ABCA7: variants seen among roughly 807,000 people sequenced by gnomAD.
ABCA7 encodes phospholipid-transporting ATPase ABCA7.
A neutral mutation model predicts 227.6 loss-of-function variants in ABCA7; 261 were observed. That is an observed-to-expected ratio of 1.15 (90% CI 1.04 to 1.27). The LOEUF (loss-of-function observed/expected upper bound fraction) is 1.27. Among genes scored for constraint, ABCA7 ranks in the 50% most tolerant of loss-of-function variants. ABCA7 has a pLI of 0.00. For missense variants in ABCA7, 3,331 were observed against 2,924.5 expected (o/e 1.14, Z -3.21); for synonymous variants, 1,488 against 1,279.7 (o/e 1.16, Z -3.47).
In ABCA7 at chr19:1,065,014, C is replaced by T. The variant is rs1200307998; in HGVS notation, c.6128C>T (p.Pro2043Leu). 3 of 1,557,568 alleles carry T rather than the reference C, an allele frequency of 1.9e-6. No individual in the cohort carries two copies. Among genetic ancestry groups the T allele is most frequent in the Non-Finnish European group, 1.7e-6 (2 of 1,152,586 alleles). ...GCGGCCTTCGTGGCGGCCGAGTTCCCTGGGGCGGAGCTGCGCGAGGCACAT... is the reference window on the plus strand; with the variant it reads ...GCGGCCTTCGTGGCGGCCGAGTTCCTTGGGGCGGAGCTGCGCGAGGCACAT... ...PAAAFVAAEFPGAELREAHGG... is the reference protein window; with the variant it reads ...PAAAFVAAEFLGAELREAHGG... The change falls in exon 46 of 47, where the codon CCT (proline) becomes CTT (leucine). Residue 2043 changes from proline to leucine, a missense_variant. Pro to Leu is a moderately conservative substitution (Grantham distance 98, BLOSUM62 -3). Transcript: ENST00000263094.
rs758589866 is a variant in ABCA7 at position 1,047,013 on chromosome 19, C to T, written c.1834C>T (p.Leu612=). The stretch of plus-strand genomic sequence containing the variant: ...CCTGCTCAGCGCCGCACTGCTGGTT[C>T]TGGTGCTCAAGGTGGGCGCGCCTCG... The part of the protein sequence containing the change: ...PFLLSAALLV[L]VLKLGDILPY... The change falls in exon 14 of 47, where the codon CTG becomes TTG. Residue 612 remains leucine (L), a synonymous_variant. Transcript: ENST00000263094. The T allele has an allele frequency of 5.4e-5, 84 of 1,568,466 alleles. No homozygotes were observed. The highest frequency in any genetic ancestry group is 7.2e-5 in the Non-Finnish European group (84 of 1,159,860).
At position 1,056,692 on chromosome 19, in the gene ABCA7, C is replaced by G; in HGVS notation, c.4586+193C>G. 6.6e-6 allele frequency among the ~76,000 whole-genome samples: 1 copy of G among 152,186 alleles called. No individual in the cohort carries two copies. The highest frequency in any genetic ancestry group is 2.1e-4 in the South Asian group (1 of 4,836). ...TCAGACTCAGCGGGCCCCAGCCTCCCCCACACATCCTCATCCCACCAACCT... is the reference window on the plus strand; with the variant it reads ...TCAGACTCAGCGGGCCCCAGCCTCCGCCACACATCCTCATCCCACCAACCT... On this transcript the variant is annotated intron_variant, in intron 33 of 46. Coordinates refer to ENST00000263094, the MANE Select transcript of ABCA7 (RefSeq NM_019112.4). The surrounding 1 kb of genome is among the most constrained non-coding windows in gnomAD (Gnocchi z 4.3).
At chr19:1,059,117 A>C in intron 40 of ABCA7, 32 bp downstream of exon 40, 4 of 1,603,610 alleles carry the variant, frequency 2.5e-6, no homozygotes, top group Middle Eastern at 2.1e-4. Context: ...AGGTGCAGGG[A>C]CAGTGAGTGG....
chr19:1,042,866 C>T (rs373688163), intron 7 of ABCA7, 40 bp downstream of exon 7: 3 of 1,532,598 alleles, frequency 2.0e-6, no homozygotes, highest in South Asian at 2.5e-5. Flanking sequence ...ATGGAGGCAA[C>T]GTTGGCAGGC....
chr19:1,055,555 T>C (rs1220069762), intron 30 of ABCA7, among the ~76,000 whole-genome samples: 2 of 137,480 alleles, frequency 1.5e-5, no homozygotes, highest in African/African-American at 5.6e-5. Context: ...CAGGCTGGAG[T>C]GCAGAGGTGT....
chr19:1,047,801 G>A, intron 16 of ABCA7, 147 bp downstream of exon 16: 1 of 945,972 alleles, frequency 1.1e-6, no homozygotes. Context: ...ACGCATGCAG[G>A]TGGCTGCATT....
chr19:1,058,420 C>T lies in ABCA7; in HGVS notation c.5149+151C>T, dbSNP rs956628653. Reference sequence around the variant, plus strand: ...CTAAGGTTGGGCCAAGTTGGAGGTACAAGAAAGCAGCCATAAAAAGCTAAT... The same window carrying T: ...CTAAGGTTGGGCCAAGTTGGAGGTATAAGAAAGCAGCCATAAAAAGCTAAT... On this transcript the variant is annotated intron_variant, in intron 37 of 46. Coordinates refer to ENST00000263094, the MANE Select transcript of ABCA7 (RefSeq NM_019112.4). 4.2e-6 allele frequency: 6 copies of T among 1,432,468 alleles called. No homozygotes were observed. In the African/African-American group the frequency reaches 7.2e-5, roughly 17 times the overall value. 88.7% of individuals were successfully genotyped at this position (1,432,468 alleles called of 1,614,324 possible).
chr19:1,047,253 G>T lies in ABCA7; in HGVS notation c.1942G>T (p.Ala648Ser), dbSNP rs749726755. The T allele has an allele frequency of 6.2e-7, 1 of 1,607,568 alleles. No individual in the cohort carries two copies. Among genetic ancestry groups the T allele is most frequent in the South Asian group, 1.1e-5 (1 of 90,912 alleles). The change falls in exon 15 of 47, where the codon GCC becomes TCC. Residue 648 changes from alanine to serine, a missense_variant. Transcript: ENST00000263094. ...GGTGACCCAGAGCTTCCTGCTCAGC[G>T]CCTTCTTCTCCCGCGCCAACCTGGC... ...ATVTQSFLLS[A>S]FFSRANLAAA... is the part of the protein sequence containing the mutation.
At chr19:1,057,164 G>C in intron 34 of ABCA7, 80 bp downstream of exon 34, 1 of 1,558,844 alleles carries the variant, frequency 6.4e-7, no homozygotes, top group Non-Finnish European at 8.7e-7. Context: ...GCAGGGGCTT[G>C]TCCAAGATGG....
In ABCA7 at chr19:1,044,557, C is replaced by G. The variant is rs780907763; in HGVS notation, c.1048-20C>G. 10 of 1,604,348 alleles carry G rather than the reference C, an allele frequency of 6.2e-6. No individual in the cohort carries two copies. Among genetic ancestry groups the G allele is most frequent in the Middle Eastern group, 3.3e-4 (2 of 6,040 alleles). ...CCACTGTGCCCGACCCAGACTCTCA[C>G]TTTCACCTGCGCCCCCCAGCGGCTC... On this transcript the variant is annotated intron_variant, in intron 10 of 46. Coordinates refer to ENST00000263094, the MANE Select transcript of ABCA7 (RefSeq NM_019112.4).
Position 1,048,954 on chromosome 19 carries a change from C to T in ABCA7, c.2329C>T (p.Pro777Ser), listed in dbSNP as rs764058442. ...TTTTCGGAGGAGCTACTGGTGCGGACCTCGGCCCCCCAAGAGTCCAGCCCC... is the reference window on the plus strand; with the variant it reads ...TTTTCGGAGGAGCTACTGGTGCGGATCTCGGCCCCCCAAGAGTCCAGCCCC... ...FPFRRSYWCG[P>S]RPPKSPAPCP... Residue 777 changes from proline (P) to serine (S), a missense_variant, in exon 17 of 47, where the codon CCT (proline) becomes TCT (serine). Coordinates refer to ENST00000263094, the MANE Select transcript of ABCA7 (RefSeq NM_019112.4). The T allele has an allele frequency of 6.2e-7, 1 of 1,609,628 alleles. No homozygotes were observed. The highest frequency in any genetic ancestry group is 8.5e-7 in the Non-Finnish European group (1 of 1,178,460).
intron 35 of ABCA7, 134 bp downstream of exon 35, chr19:1,057,563 C>T (rs2042360828): frequency 1.1e-6 from 1 of 923,546 alleles, no homozygotes; most frequent in Non-Finnish European, 1.7e-6. Context: ...CGTGTGTGAT[C>T]CAATTCAGTG....
Position 1,041,608 on chromosome 19 carries a change from G to GC in ABCA7, c.160+12dup, listed in dbSNP as rs754757371. The stretch of plus-strand genomic sequence containing the variant: ...CGCCCCTGGAGCACCATGAATGTGA[G>GC]CCCCCCCAGGGACCAGGCACTTTGT... On this transcript the variant is annotated splice_donor_region_variant and intron_variant, in intron 3 of 46. Transcript: ENST00000263094. The GC allele has an allele frequency of 1.1e-5, 17 of 1,610,682 alleles. No homozygotes were observed. Among genetic ancestry groups the GC allele is most frequent in the African/African-American group, 4.0e-5 (3 of 74,898 alleles).
rs763771225 is a variant in ABCA7, at chr19:1,049,290, G to T, written c.2405G>T (p.Gly802Val). 7 of 1,609,736 alleles carry T rather than the reference G, an allele frequency of 4.3e-6. No individual in the cohort carries two copies. The South Asian group carries it at 7.7e-5, about 18-fold the overall frequency. ...GTGCTGGTAGAAGAGGCACCGCCCG[G>T]CCTGAGTCCTGGCGTCTCCGTTCGC... ...PKVLVEEAPP[G>V]LSPGVSVRSL... Residue 802 changes from glycine (G) to valine (V), a missense_variant, in exon 18 of 47, where the codon GGC becomes GTC. Gly to Val is a moderately radical substitution (Grantham distance 109). Transcript: ENST00000263094.
chr19:1,061,435 G>T (rs193087276), intron 40 of ABCA7, among the ~76,000 whole-genome samples: 1 of 145,098 alleles, frequency 6.9e-6, no homozygotes, highest in Non-Finnish European at 1.5e-5. Flanking sequence ...CGTGGCTCAC[G>T]CCTGTAATCC....
In ABCA7 at chr19:1,044,984, C is replaced by G. The variant is rs750972264; in HGVS notation, c.1216-18C>G. 1.2e-6 allele frequency: 2 copies of G among 1,611,018 alleles called. No individual in the cohort carries two copies. The highest frequency in any genetic ancestry group is 2.2e-5 in the East Asian group (1 of 44,850). On this transcript the variant is annotated intron_variant, in intron 11 of 46. Coordinates refer to ENST00000263094, the MANE Select transcript of ABCA7 (RefSeq NM_019112.4). ...CAGGCGGACCCCAGCGCCTAGGACT[C>G]ACCCCCGCATCCCACAGTGCCTGTC...
In ABCA7 at chr19:1,065,399, C is replaced by T. The variant is rs778538900; in HGVS notation, c.6415C>T (p.Pro2139Ser). The T allele has an allele frequency of 6.2e-7, 1 of 1,613,320 alleles. No individual in the cohort carries two copies. The highest frequency in any genetic ancestry group is 8.5e-7 in the Non-Finnish European group (1 of 1,179,942). Reference protein sequence around the residue: ...PKRVSQFLDDPSTAETVL With the variant: ...PKRVSQFLDDSSTAETVL ...ACGCGTCAGCCAGTTCCTCGATGAC[C>T]CTAGCACTGCCGAGACTGTGCTCTG... Residue 2139 changes from proline (P) to serine (S), a missense_variant, in exon 47 of 47, where the codon CCT (proline) becomes TCT (serine). Transcript: ENST00000263094.
rs1193724572 is a variant in ABCA7 at position 1,064,249 on chromosome 19, G to C, written c.6040G>C (p.Gly2014Arg). ...CCTGGGCAGCCCGCAACATCTCAAGGGCAGGTGAGCCGGCGCGGCCTCCAG... is the reference window on the plus strand; with the variant it reads ...CCTGGGCAGCCCGCAACATCTCAAGCGCAGGTGAGCCGGCGCGGCCTCCAG... ...RCLGSPQHLKGRFAAGHTLTL... is the reference protein window; with the variant it reads ...RCLGSPQHLKRRFAAGHTLTL... Residue 2014 changes from glycine to arginine, a missense_variant, in exon 45 of 47, where the codon GGC becomes CGC. Gly to Arg is a moderately radical substitution (Grantham distance 125). Coordinates refer to ENST00000263094, the MANE Select transcript of ABCA7 (RefSeq NM_019112.4). The C allele has an allele frequency of 6.4e-7, 1 of 1,561,474 alleles. No homozygotes were observed. Among genetic ancestry groups the C allele is most frequent in the Admixed American group, 1.9e-5 (1 of 52,542 alleles).
chr19:1,056,814 A>G lies in ABCA7; in HGVS notation c.4587-93A>G. The G allele has an allele frequency of 7.1e-7, 1 of 1,402,134 alleles. No homozygotes were observed. Among genetic ancestry groups the G allele is most frequent in the Admixed American group, 2.0e-5 (1 of 50,346 alleles). 86.9% of individuals were successfully genotyped at this position (1,402,134 alleles called of 1,614,324 possible). A position where few individuals can be genotyped will look rare whatever the true frequency, so the allele number is the denominator to read the frequency against. On this transcript the variant is annotated intron_variant, in intron 33 of 46. Coordinates refer to ENST00000263094, the MANE Select transcript of ABCA7 (RefSeq NM_019112.4). The surrounding 1 kb of genome is among the most constrained non-coding windows in gnomAD (Gnocchi z 4.3). ...CATCTCTGCCACTGCTGACTGCCCC[A>G]TAGACCTTTGTCCCATCAATGGCGT...
Sources: gnomAD v4.1 joint callset for allele counts (sites outside exome capture counted in the v4.1 genomes callset) on GRCh38, gnomAD v4.1.1 for gene constraint, Gnocchi (gnomAD v3.1) non-coding constraint, MANE v1.5 for transcripts, NCBI Gene and HGNC (gene_info 2026-07-23, HGNC 2026-07-21) for gene names.